Variants in FGD4 observed in about 807,000 individuals in gnomAD.
The protein encoded by FGD4 is FYVE, RhoGEF and PH domain containing 4, also known as FYVE, RhoGEF and PH domain-containing protein 4.
In FGD4, 42 loss-of-function variants were observed where a neutral mutation model predicts 102.0. The observed-to-expected ratio is 0.41, with a 90% CI of 0.32 to 0.53. FGD4 has a LOEUF of 0.53. FGD4 is among the 20% of genes least tolerant of loss of function. The pLI, the probability that FGD4 is intolerant of heterozygous loss-of-function variation, is 0.21. For synonymous variants in FGD4, 380 were observed against 375.7 expected (o/e 1.01, Z -0.13); for missense variants, 902 against 1,078.2 (o/e 0.84, Z 2.29).
At chr12:32,440,728 C>T (rs1170886968) in intron 1 of FGD4, among the ~76,000 whole-genome samples, 1 of 152,346 alleles carries the variant, frequency 6.6e-6, no homozygotes, top group East Asian at 1.9e-4. Context: ...AGTGGCTAAA[C>T]CAGCCAGGCC....
At chr12:32,636,826 C>T (rs1443468252) in intron 15 of FGD4, among the ~76,000 whole-genome samples, 1 of 151,392 alleles carries the variant, frequency 6.6e-6, no homozygotes, top group Non-Finnish European at 1.5e-5. Context: ...ATAATAAAAA[C>T]TACCATTTAG....
rs759385629 is a variant in FGD4, at chr12:32,611,203, T to A, written c.1669T>A (p.Ser557Thr). 2.5e-6 allele frequency: 4 copies of A among 1,614,148 alleles called. No homozygotes were observed. In the Admixed American group the frequency reaches 6.7e-5, roughly 27 times the overall value. The change falls in exon 10 of 17, where the codon TCA becomes ACA. Residue 557 changes from serine to threonine, a missense_variant. By Grantham distance (58) the Ser-to-Thr change is moderately conservative (BLOSUM62 1). Transcript: ENST00000534526. The part of the protein sequence containing the change: ...LGEEEDIVNP[S>T]NELIKEGQIL... ...AGAAGAAGAAGACATTGTAAACCCT[T>A]CAAATGAACTAATAAAAGAAGGACA...
chr12:32,590,034 G>A (rs573677831), intron 4 of FGD4, among the ~76,000 whole-genome samples: 4 of 152,252 alleles, frequency 2.6e-5, no homozygotes, highest in Non-Finnish European at 5.9e-5. Flanking sequence ...AATGCCGGGC[G>A]CGGTGGCTTA....
rs186985825 is a variant in FGD4 at position 32,613,871 on chromosome 12, C to T, written c.1749+2588C>T. Among the ~76,000 whole-genome samples the T allele has an allele frequency of 9.9e-5, 15 of 152,260 alleles. No homozygotes were observed. The South Asian group carries it at 1.2e-3, about 13-fold the overall frequency. On this transcript the variant is annotated intron_variant, in intron 10 of 16. Coordinates refer to ENST00000534526, the MANE Select transcript of FGD4 (RefSeq NM_001370298.3). Reference sequence around the variant, plus strand: ...GAAGCAAGAACAAACATCAAACTTACGGTGAAGTTTGGATGCAAAAATGAT... The same window carrying T: ...GAAGCAAGAACAAACATCAAACTTATGGTGAAGTTTGGATGCAAAAATGAT...
intron 10 of FGD4, among the ~76,000 whole-genome samples, chr12:32,616,854 G>A (rs1949481986): frequency 6.6e-6 from 1 of 152,166 alleles, no homozygotes; most frequent in South Asian, 2.1e-4. Context: ...CCTGAGACTG[G>A]CTAATTTATA....
intron 1 of FGD4, among the ~76,000 whole-genome samples, chr12:32,503,459 G>A (rs1160908296): frequency 6.6e-6 from 1 of 152,134 alleles, no homozygotes; most frequent in Non-Finnish European, 1.5e-5. Flanking sequence ...TGTAAAATTA[G>A]ATAACCTCAT....
chr12:32,455,473 A>G (rs1318943891), intron 1 of FGD4, among the ~76,000 whole-genome samples: 11 of 152,132 alleles, frequency 7.2e-5, no homozygotes, highest in Non-Finnish European at 1.5e-5. Flanking sequence ...CAGAATATCT[A>G]TGCCATTTCT....
Position 32,537,075 on chromosome 12 carries a change from A to AT in FGD4, c.167-27056dup, listed in dbSNP as rs549503334. 3.3e-5 allele frequency among the ~76,000 whole-genome samples: 5 copies of AT among 151,904 alleles called. No homozygotes were observed. In the South Asian group the frequency reaches 6.2e-4, roughly 19 times the overall value. ...AGGCACCCGCCACCATGCCCGGCTA[A>AT]TTTTTTGCATTTTTAGTAGAGACAG... On this transcript the variant is annotated intron_variant, in intron 1 of 16. Transcript: ENST00000534526.
chr12:32,568,667 CATAAAT>C (rs1194182486), intron 2 of FGD4, among the ~76,000 whole-genome samples: 2 of 152,172 alleles, frequency 1.3e-5, no homozygotes, highest in Admixed American at 6.5e-5. Flanking sequence ...GAGTAACTTA[CATAAAT>C]ATAGAGTACT....
chr12:32,549,054 T>C (rs1019262614), intron 1 of FGD4, among the ~76,000 whole-genome samples: 7 of 152,246 alleles, frequency 4.6e-5, no homozygotes, highest in Non-Finnish European at 7.3e-5. Context: ...CTATGGGATG[T>C]TGACTTACAA....
At chr12:32,466,554 C>G (rs1443021729) in intron 1 of FGD4, among the ~76,000 whole-genome samples, 1 of 151,990 alleles carries the variant, frequency 6.6e-6, no homozygotes, top group African/African-American at 2.4e-5. Context: ...TCCAAAATAC[C>G]TTCCAACTTG....
chr12:32,447,938 G>A (rs1942667297), intron 1 of FGD4, among the ~76,000 whole-genome samples: 1 of 152,176 alleles, frequency 6.6e-6, no homozygotes, highest in Non-Finnish European at 1.5e-5. Flanking sequence ...CATTATTAGA[G>A]GCAGAAGGTG....
At chr12:32,524,386 ACT>A (rs1297961934) in intron 1 of FGD4, among the ~76,000 whole-genome samples, 1 of 128,100 alleles carries the variant, frequency 7.8e-6, no homozygotes, top group African/African-American at 3.1e-5. Context: ...ACAGAGGGAG[ACT>A]CTGTCTCAAA....
At position 32,483,494 on chromosome 12, in the gene FGD4, T is replaced by G. The variant is rs561825881; in HGVS notation, c.167-80643T>G. On this transcript the variant is annotated intron_variant, in intron 1 of 16. Transcript: ENST00000534526. ...CATCAGAAAATATTCCATATAACTT[T>G]TCTTTTTCTTTGCCCTCCAAACTGC... Among the ~76,000 whole-genome samples, 3 of 152,340 alleles carry G rather than the reference T, an allele frequency of 2.0e-5. No homozygotes were observed. The South Asian group carries it at 6.2e-4, about 32-fold the overall frequency.
chr12:32,460,278 G>A (rs1437981417), intron 1 of FGD4, among the ~76,000 whole-genome samples: 2 of 152,102 alleles, frequency 1.3e-5, no homozygotes, highest in African/African-American at 2.4e-5. Flanking sequence ...TTGAGAAGTC[G>A]AGGCGGGAGG....
chr12:32,468,069 G>A (rs1463764882), intron 1 of FGD4, among the ~76,000 whole-genome samples: 2 of 151,656 alleles, frequency 1.3e-5, no homozygotes, highest in East Asian at 3.9e-4. Flanking sequence ...CTAAGTTGGG[G>A]TGTTGCCCTG....
At chr12:32,530,617 G>A (rs755834091) in intron 1 of FGD4, among the ~76,000 whole-genome samples, 8 of 152,148 alleles carry the variant, frequency 5.3e-5, no homozygotes, top group Admixed American at 1.3e-4. Context: ...CAGAGCTGGA[G>A]GTATTTTATG....
At position 32,643,609 on chromosome 12, in the gene FGD4, T is replaced by G. The variant is rs1293779624; in HGVS notation, c.*3076T>G. ...ATTTTTTTAAAAATTATTAAACTTT[T>G]TACAGAAACTAACCTTTTAAATGTA... On this transcript the variant is annotated 3_prime_UTR_variant, in exon 17 of 17. Transcript: ENST00000534526. 2 of 152,014 alleles carry G rather than the reference T, an allele frequency of 1.3e-5. No individual in the cohort carries two copies. 9.4% of individuals were successfully genotyped at this position (152,014 alleles called of 1,614,324 possible).
In FGD4 at chr12:32,528,394, C is replaced by G. The variant is rs142231967; in HGVS notation, c.167-35743C>G. Among the ~76,000 whole-genome samples, 6 of 152,148 alleles carry G rather than the reference C, an allele frequency of 3.9e-5. No homozygotes were observed. In the East Asian group the frequency reaches 1.2e-3, roughly 29 times the overall value. On this transcript the variant is annotated intron_variant, in intron 1 of 16. Coordinates refer to ENST00000534526, the MANE Select transcript of FGD4 (RefSeq NM_001370298.3). ...TATAACCTACGCACATCCTCCCTTA[C>G]ACTTTTTTTTTTGAGACGGAGCCTC... is the stretch of plus-strand genomic sequence containing the variant.
Sources: gnomAD v4.1 joint callset for allele counts (sites outside exome capture counted in the v4.1 genomes callset) on GRCh38, gnomAD v4.1.1 for gene constraint, MANE v1.5 for transcripts, NCBI Gene and HGNC (gene_info 2026-07-23, HGNC 2026-07-21) for gene names.